Variants in LRIG1 observed in about 807,000 individuals in gnomAD.
LRIG1 encodes leucine rich repeats and immunoglobulin like domains 1, also known as leucine-rich repeats and immunoglobulin-like domains protein 1.
LRIG1 carries 48 observed loss-of-function variants against 99.2 expected under a neutral mutation model. The ratio of observed to expected loss-of-function variants is 0.48; its 90% CI spans 0.38 to 0.62. The LOEUF (loss-of-function observed/expected upper bound fraction) is 0.62, where lower values mean the gene tolerates loss of function less well. LRIG1 is among the 20% of genes least tolerant of loss of function. LRIG1 has a pLI of 0.00. For missense variants in LRIG1, 1,646 were observed against 1,434.4 expected, an observed-to-expected ratio of 1.15 and a Z score of -2.38; for synonymous variants, 772 against 596.1, an observed-to-expected ratio of 1.29 and a Z score of -4.30.
intron 4 of LRIG1, among the ~76,000 whole-genome samples, chr3:66,416,273 G>T (rs1702611866): frequency 6.6e-6 from 1 of 152,250 alleles, no homozygotes; most frequent in Middle Eastern, 3.4e-3. Context: ...CCTAATGCAG[G>T]CTAAGAAAGA....
At chr3:66,405,735 C>T in intron 8 of LRIG1, 1 of 1,119,852 alleles carries the variant, frequency 8.9e-7, no homozygotes, top group Non-Finnish European at 1.1e-6. Context: ...CAGGGCCGGC[C>T]CGTGGGCGCC....
At chr3:66,449,121 T>C (rs1219419975) in intron 3 of LRIG1, among the ~76,000 whole-genome samples, 1 of 152,244 alleles carries the variant, frequency 6.6e-6, no homozygotes. Flanking sequence ...GCTCATCCAC[T>C]GCCTGCTCTG....
Position 66,500,879 on chromosome 3 carries a change from C to A in LRIG1, c.-472G>T, listed in dbSNP as rs994604150. On this transcript the variant is annotated 5_prime_UTR_variant, in exon 1 of 19. Coordinates refer to ENST00000273261, the MANE Select transcript of LRIG1 (RefSeq NM_015541.3). ...CTCGGGCTGGACGGCGCGGCCGGCC[C>A]CGCGCTGGGAGGCCCCAGTGCGCCT... 1 of 151,898 alleles carries A rather than the reference C, an allele frequency of 6.6e-6. No homozygotes were observed. The highest frequency in any genetic ancestry group is 1.5e-5 in the Non-Finnish European group (1 of 68,026). 9.4% of individuals were successfully genotyped at this position (151,898 alleles called of 1,614,324 possible).
At chr3:66,496,963 A>G (rs1040916819) in intron 1 of LRIG1, among the ~76,000 whole-genome samples, 5 of 152,256 alleles carry the variant, frequency 3.3e-5, no homozygotes, top group South Asian at 2.1e-4. Flanking sequence ...TAAGGTAATC[A>G]TAAGTACCAC....
At chr3:66,402,868 C>G (rs1702112897) in intron 9 of LRIG1, among the ~76,000 whole-genome samples, 1 of 152,210 alleles carries the variant, frequency 6.6e-6, no homozygotes, top group Non-Finnish European at 1.5e-5. Context: ...CAGAACTTTC[C>G]TGGAATGTTC....
intron 3 of LRIG1, among the ~76,000 whole-genome samples, chr3:66,427,781 C>T (rs907057650): frequency 1.3e-5 from 2 of 152,152 alleles, no homozygotes; most frequent in African/African-American, 4.8e-5. Context: ...AGAAGCCTCC[C>T]TCCTCCTGTC....
chr3:66,487,121 T>C (rs781177457), intron 1 of LRIG1, among the ~76,000 whole-genome samples: 3 of 152,022 alleles, frequency 2.0e-5, no homozygotes, highest in Admixed American at 2.0e-4. Flanking sequence ...TAAGGAGAAA[T>C]GGGAAAGGAA....
intron 1 of LRIG1, among the ~76,000 whole-genome samples, chr3:66,464,304 A>G (rs1028260665): frequency 6.6e-6 from 1 of 152,098 alleles, no homozygotes; most frequent in Non-Finnish European, 1.5e-5. Flanking sequence ...CAAAGGCAAG[A>G]GCTTAGAGGA....
chr3:66,429,625 G>A (rs1703089871), intron 3 of LRIG1, among the ~76,000 whole-genome samples: 1 of 110,690 alleles, frequency 9.0e-6, no homozygotes. Flanking sequence ...TATTCTGTAT[G>A]ACACTGTAAT....
chr3:66,462,667 C>A (rs1700381377), intron 1 of LRIG1, among the ~76,000 whole-genome samples, 158 bp from the exon 2 acceptor site: 1 of 151,706 alleles, frequency 6.6e-6, no homozygotes, highest in Non-Finnish European at 1.5e-5. Flanking sequence ...GATTTACAGA[C>A]ATACCCCCTC....
chr3:66,402,112 C>G (rs1298340385), intron 9 of LRIG1, among the ~76,000 whole-genome samples: 1 of 152,172 alleles, frequency 6.6e-6, no homozygotes, highest in African/African-American at 2.4e-5. Context: ...CTGTGTGGGA[C>G]TCTGCCCCTC....
At chr3:66,430,407 C>T (rs1703130867) in intron 3 of LRIG1, among the ~76,000 whole-genome samples, 1 of 152,208 alleles carries the variant, frequency 6.6e-6, no homozygotes, top group Non-Finnish European at 1.5e-5. Context: ...ACCCCAAACA[C>T]TGGCCCTCAC....
At chr3:66,408,913 AGTGTGTGTGTGTGTGTGTGTGTGTGTGT>A (rs55651719) in intron 7 of LRIG1, among the ~76,000 whole-genome samples, 1 of 34,858 alleles carries the variant, frequency 2.9e-5, no homozygotes, top group East Asian at 1.4e-3. Flanking sequence ...ACTCCAAGTC[AGTGTGTGTGTGTGTGTGTGTGTGTGTGT>A]GTGTGTGTGT....
chr3:66,435,872 G>C (rs1703338905), intron 3 of LRIG1, among the ~76,000 whole-genome samples: 1 of 152,026 alleles, frequency 6.6e-6, no homozygotes, highest in Non-Finnish European at 1.5e-5. Flanking sequence ...ATTCACGGTG[G>C]AATCAGATGG....
At chr3:66,409,960 A>C (rs1702410458) in intron 7 of LRIG1, 169 bp downstream of exon 7, 4 of 603,162 alleles carry the variant, frequency 6.6e-6, no homozygotes, top group Non-Finnish European at 1.1e-5. Context: ...ACTGGGGCTC[A>C]AATCGCTGAG....
At chr3:66,414,485 G>A (rs1311141937) in intron 5 of LRIG1, among the ~76,000 whole-genome samples, 1 of 152,096 alleles carries the variant, frequency 6.6e-6, no homozygotes, top group Non-Finnish European at 1.5e-5. Flanking sequence ...CTTGTCTTTT[G>A]CTTACTAACT....
At chr3:66,413,309 T>C (rs1702527831) in intron 5 of LRIG1, among the ~76,000 whole-genome samples, 1 of 152,128 alleles carries the variant, frequency 6.6e-6, no homozygotes, top group South Asian at 2.1e-4. Flanking sequence ...TGTGCTCACG[T>C]CTCCTCCCCC....
intron 7 of LRIG1, 132 bp from the exon 8 acceptor site, chr3:66,407,623 G>GCACA (rs3839070): frequency 5.3e-5 from 45 of 852,016 alleles, no homozygotes; most frequent in Middle Eastern, 7.1e-4. Context: ...GCGCGTGCGT[G>GCACA]CACACACACA....
chr3:66,475,055 C>A (rs140487238), intron 1 of LRIG1, among the ~76,000 whole-genome samples: 1 of 152,200 alleles, frequency 6.6e-6, no homozygotes, highest in Non-Finnish European at 1.5e-5. Context: ...AAAATCCAAG[C>A]CCACTGGTCA....
Sources: gnomAD v4.1 joint callset for allele counts (sites outside exome capture counted in the v4.1 genomes callset) on GRCh38, gnomAD v4.1.1 for gene constraint, MANE v1.5 for transcripts, NCBI Gene and HGNC (gene_info 2026-07-23, HGNC 2026-07-21) for gene names.